Variants in ZDHHC3 observed in about 807,000 individuals in gnomAD.
ZDHHC3 encodes the protein zDHHC palmitoyltransferase 3.
ZDHHC3 carries 9 observed loss-of-function variants against 30.6 expected under a neutral mutation model. The observed-to-expected ratio is 0.29, with a 90% confidence interval of 0.18 to 0.51. The LOEUF is 0.51. Ranked by LOEUF, ZDHHC3 falls within the 20% of genes least tolerant of loss-of-function variation. ZDHHC3 has a pLI of 0.97. For missense variants in ZDHHC3, 246 were observed against 384.2 expected (o/e 0.64, Z 3.01); for synonymous variants, 136 against 140.2 (o/e 0.97, Z 0.21).
rs577984952 is a variant in ZDHHC3, at chr3:44,918,602, C to T, written c.*8087G>A. The T allele has an allele frequency of 5.0e-5, 49 of 985,410 alleles. No individual in the cohort carries two copies. The highest frequency in any genetic ancestry group is 1.9e-4 in the African/African-American group (11 of 57,352). The allele number at this position is 985,410 out of a possible 1,614,324, so 61.0% of individuals were successfully genotyped here. The stretch of plus-strand genomic sequence containing the variant: ...AGGGGCTGCAAACACAGCAGAAGGA[C>T]GATGGGGTTAAGGAAGGAGTGCAGG... On this transcript the variant is annotated 3_prime_UTR_variant, in exon 7 of 7. Coordinates refer to ENST00000424952, the MANE Select transcript of ZDHHC3 (RefSeq NM_001135179.2).
Position 44,926,662 on chromosome 3 carries a change from C to A in ZDHHC3, c.*27G>T. 6.4e-7 allele frequency: 1 copy of A among 1,562,650 alleles called. No individual in the cohort carries two copies. The highest frequency in any genetic ancestry group is 1.2e-5 in the South Asian group (1 of 83,272). On this transcript the variant is annotated 3_prime_UTR_variant, in exon 7 of 7. Transcript: ENST00000424952. ...GTAGTGCTGTGGTGTGGACTTGTGT[C>A]TGAGTGGCCATGCCGGTCGGGGTCC... is the stretch of plus-strand genomic sequence containing the variant.
chr3:44,918,266 A>G lies in ZDHHC3; in HGVS notation c.*8423T>C, dbSNP rs1452922260. Reference sequence around the variant, plus strand: ...GGGGCGGGGTGTCCACGGCATGGGTAAGATGGGGTCTGAGTGGGCAGTCTG... The same window carrying G: ...GGGGCGGGGTGTCCACGGCATGGGTGAGATGGGGTCTGAGTGGGCAGTCTG... On this transcript the variant is annotated 3_prime_UTR_variant, in exon 7 of 7. Transcript: ENST00000424952. 1.7e-6 allele frequency: 2 copies of G among 1,208,424 alleles called. No individual in the cohort carries two copies. The highest frequency in any genetic ancestry group is 3.2e-5 in the African/African-American group (2 of 63,214). 74.9% of individuals were successfully genotyped at this position (1,208,424 alleles called of 1,614,324 possible). A position where few individuals can be genotyped will look rare whatever the true frequency, so the allele number is the denominator to read the frequency against.
intron 3 of ZDHHC3, among the ~76,000 whole-genome samples, chr3:44,944,932 C>T (rs932019272): frequency 1.3e-5 from 2 of 152,176 alleles, no homozygotes; most frequent in Non-Finnish European, 2.9e-5. Context: ...AGCCAAGTCC[C>T]GGGACAGGTG....
rs1700929776 is a variant in ZDHHC3 at position 44,925,738 on chromosome 3, A to G, written c.*951T>C. 2 of 985,594 alleles carry G rather than the reference A, an allele frequency of 2.0e-6. No homozygotes were observed. Among genetic ancestry groups the G allele is most frequent in the South Asian group, 9.4e-5 (2 of 21,282 alleles). 61.1% of individuals were successfully genotyped at this position (985,594 alleles called of 1,614,324 possible). On this transcript the variant is annotated 3_prime_UTR_variant, in exon 7 of 7. Coordinates refer to ENST00000424952, the MANE Select transcript of ZDHHC3 (RefSeq NM_001135179.2). ...GGGTTAACTATCAGAAAGTGAATCC[A>G]CTTTGAGGTTTATAAAATGAGAAGG...
rs961367580 is a variant in ZDHHC3, at chr3:44,924,098, G to A, written c.*2591C>T. ...CAGAGCCCAGGCTCTGAAAGACTGT[G>A]GCTACGACTGGTTCAATTTCCCATG... On this transcript the variant is annotated 3_prime_UTR_variant, in exon 7 of 7. Coordinates refer to ENST00000424952, the MANE Select transcript of ZDHHC3 (RefSeq NM_001135179.2). 1.5e-5 allele frequency: 15 copies of A among 985,276 alleles called. No individual in the cohort carries two copies. The African/African-American group carries it at 2.3e-4, about 15-fold the overall frequency. The allele number at this position is 985,276 out of a possible 1,614,324, so 61.0% of individuals were successfully genotyped here.
chr3:44,958,590 AG>A (rs1317489505), intron 2 of ZDHHC3: 1 of 1,536,150 alleles, frequency 6.5e-7, no homozygotes, highest in South Asian at 1.2e-5. Context: ...ATATTCACCA[AG>A]AGGCACTTGC....
rs758187405 is a variant in ZDHHC3, at chr3:44,925,638, T to C, written c.*1051A>G. On this transcript the variant is annotated 3_prime_UTR_variant, in exon 7 of 7. Coordinates refer to ENST00000424952, the MANE Select transcript of ZDHHC3 (RefSeq NM_001135179.2). Reference sequence around the variant, plus strand: ...GGACTGTGAGGTAACCCCAGCATCATGGTCATCTCCATGCCAGGACAACAG... The same window carrying C: ...GGACTGTGAGGTAACCCCAGCATCACGGTCATCTCCATGCCAGGACAACAG... The C allele has an allele frequency of 2.0e-6, 2 of 985,486 alleles. No individual in the cohort carries two copies. The highest frequency in any genetic ancestry group is 2.4e-6 in the Non-Finnish European group (2 of 829,952). 61.0% of individuals were successfully genotyped at this position (985,486 alleles called of 1,614,324 possible).
At position 44,926,642 on chromosome 3, in the gene ZDHHC3, G is replaced by A; in HGVS notation, c.*47C>T. The A allele has an allele frequency of 6.5e-7, 1 of 1,529,150 alleles. No homozygotes were observed. Among genetic ancestry groups the A allele is most frequent in the African/African-American group, 1.4e-5 (1 of 71,934 alleles). The allele number at this position is 1,529,150 out of a possible 1,614,324, so 94.7% of individuals were successfully genotyped here. A position where few individuals can be genotyped will look rare whatever the true frequency, so the allele number is the denominator to read the frequency against. On this transcript the variant is annotated 3_prime_UTR_variant, in exon 7 of 7. Coordinates refer to ENST00000424952, the MANE Select transcript of ZDHHC3 (RefSeq NM_001135179.2). ...TCATGAGAACGGATGGGACGGTAGT[G>A]CTGTGGTGTGGACTTGTGTCTGAGT... is the stretch of plus-strand genomic sequence containing the variant.
At chr3:44,938,947 T>TGGGG (rs1702206800) in intron 3 of ZDHHC3, among the ~76,000 whole-genome samples, 1 of 152,276 alleles carries the variant, frequency 6.6e-6, no homozygotes, top group African/African-American at 2.4e-5. Flanking sequence ...TCAAACTGGC[T>TGGGG]AACTCGGAGC....
At position 44,959,542 on chromosome 3, in the gene ZDHHC3, TTG is replaced by T; in HGVS notation, c.-24-84_-24-83del. 1 of 1,227,290 alleles carries T rather than the reference TTG, an allele frequency of 8.1e-7. No homozygotes were observed. Among genetic ancestry groups the T allele is most frequent in the Non-Finnish European group, 1.1e-6 (1 of 876,474 alleles). The allele number at this position is 1,227,290 out of a possible 1,614,324, so 76.0% of individuals were successfully genotyped here. On this transcript the variant is annotated intron_variant, in intron 1 of 6. Transcript: ENST00000424952. The surrounding 1 kb of genome is among the most constrained non-coding windows in gnomAD (Gnocchi z 4.3). ...TTGACAAAATTGCTCCCATAGTGAG[TTG>T]TGATTACTTATCTGCAACCCCTGTG...
At chr3:44,943,722 T>C (rs1702648885) in intron 3 of ZDHHC3, among the ~76,000 whole-genome samples, 1 of 152,286 alleles carries the variant, frequency 6.6e-6, no homozygotes, top group South Asian at 2.1e-4. Flanking sequence ...AGTTTCCTTG[T>C]ATGTCAGTCG....
rs1308325398 is a variant in ZDHHC3, at chr3:44,929,339, C to T, written c.708G>A (p.Gly236=). 3.1e-6 allele frequency: 5 copies of T among 1,614,072 alleles called. No individual in the cohort carries two copies. Among genetic ancestry groups the T allele is most frequent in the Admixed American group, 1.7e-5 (1 of 60,008 alleles). Residue 236 remains glycine (G), a synonymous_variant, in exon 6 of 7, where the codon GGG becomes GGA. Coordinates refer to ENST00000424952, the MANE Select transcript of ZDHHC3 (RefSeq NM_001135179.2). ...CTGTGCAGATGGAGTGCACCTGGGT[C>T]CCAAACATCACTGATGTGAAAATGA... The part of the protein sequence containing the change: ...LFLIFTSVMF[G]TQVHSICTDE...
intron 1 of ZDHHC3, among the ~76,000 whole-genome samples, chr3:44,961,161 G>A (rs1044376495): frequency 6.6e-6 from 1 of 152,238 alleles, no homozygotes; most frequent in Non-Finnish European, 1.5e-5. Flanking sequence ...GGGAGGCCAA[G>A]GCGGGTGGAT....
At chr3:44,956,451 C>T (rs770556685) in intron 2 of ZDHHC3, among the ~76,000 whole-genome samples, 3 of 152,204 alleles carry the variant, frequency 2.0e-5, no homozygotes, top group Non-Finnish European at 4.4e-5. Flanking sequence ...GGTATACTCT[C>T]CAATCTCTCT....
At chr3:44,967,471 C>T (rs939050277) in intron 1 of ZDHHC3, among the ~76,000 whole-genome samples, 2 of 152,222 alleles carry the variant, frequency 1.3e-5, no homozygotes, top group South Asian at 2.1e-4. Flanking sequence ...ATCACTGGAG[C>T]CCAGGAGTTA....
At position 44,918,960 on chromosome 3, in the gene ZDHHC3, T is replaced by C. The variant is rs1156341047; in HGVS notation, c.*7729A>G. Reference sequence around the variant, plus strand: ...CTGGGGGCACTGCTTTCTCCATCTCTTCTGGAAGCCAAGGGAATTTGCTGT... The same window carrying C: ...CTGGGGGCACTGCTTTCTCCATCTCCTCTGGAAGCCAAGGGAATTTGCTGT... On this transcript the variant is annotated 3_prime_UTR_variant, in exon 7 of 7. Coordinates refer to ENST00000424952, the MANE Select transcript of ZDHHC3 (RefSeq NM_001135179.2). 2.0e-6 allele frequency: 2 copies of C among 985,478 alleles called. No individual in the cohort carries two copies. The highest frequency in any genetic ancestry group is 3.5e-5 in the African/African-American group (2 of 57,252). The allele number at this position is 985,478 out of a possible 1,614,324, so 61.0% of individuals were successfully genotyped here.
chr3:44,923,712 A>C lies in ZDHHC3; in HGVS notation c.*2977T>G, dbSNP rs1700776470. The C allele has an allele frequency of 1.2e-6, 1 of 842,588 alleles. No homozygotes were observed. The highest frequency in any genetic ancestry group is 5.4e-5 in the South Asian group (1 of 18,358). 52.2% of individuals were successfully genotyped at this position (842,588 alleles called of 1,614,324 possible). On this transcript the variant is annotated 3_prime_UTR_variant, in exon 7 of 7. Transcript: ENST00000424952. ...TGGATATTCAGGAGGCCAAGGCACA[A>C]GAATCACTTGAGCCCAGGAGTTCAA...
intron 3 of ZDHHC3, chr3:44,938,400 TG>T (rs1702160450): frequency 9.2e-6 from 2 of 218,446 alleles, no homozygotes; most frequent in South Asian, 1.6e-4. Flanking sequence ...GCCCAGTCTG[TG>T]GGCTGCCAAG....
At chr3:44,931,156 G>A (rs546682149) in intron 5 of ZDHHC3, among the ~76,000 whole-genome samples, 1 of 152,356 alleles carries the variant, frequency 6.6e-6, no homozygotes, top group South Asian at 2.1e-4. Context: ...TGGGCAAGAG[G>A]TTTGGGCTTT....
Sources: allele counts gnomAD v4.1 joint callset (sites outside exome capture counted in the v4.1 genomes callset), GRCh38; gene constraint gnomAD v4.1.1; non-coding constraint Gnocchi (gnomAD v3.1); transcripts MANE v1.5; gene names NCBI Gene and HGNC (gene_info 2026-07-23, HGNC 2026-07-21).